The following CCDC181 variants were observed in gnomAD, a reference collection of about 807,000 sequenced individuals.
CCDC181 encodes the protein coiled-coil domain containing 181.
In CCDC181, 35 loss-of-function variants were observed where a neutral mutation model predicts 58.7. The observed-to-expected ratio is 0.60, with a 90% confidence interval of 0.46 to 0.79. The LOEUF is 0.79. CCDC181 is among the 30% of genes least tolerant of loss of function. The pLI is 0.00. For synonymous variants in CCDC181, 183 were observed against 197.5 expected (o/e 0.93, Z 0.62); for missense variants, 517 against 583.9 (o/e 0.89, Z 1.18).
intron 2 of CCDC181, among the ~76,000 whole-genome samples, chr1:169,455,284 A>G (rs1165340694): frequency 6.6e-6 from 1 of 152,030 alleles, no homozygotes; most frequent in African/African-American, 2.4e-5. Flanking sequence ...TAATTTGTAA[A>G]CAAGTCCTAA....
At chr1:169,438,524 T>G (rs1404328650) in intron 2 of CCDC181, among the ~76,000 whole-genome samples, 1 of 152,218 alleles carries the variant, frequency 6.6e-6, no homozygotes, top group African/African-American at 2.4e-5. Context: ...CCCAATGGTC[T>G]GCATGGGGAA....
At chr1:169,430,509 C>T (rs1411647809), upstream of CCDC181, among the ~76,000 whole-genome samples, 1 of 152,072 alleles carries the variant, frequency 6.6e-6, no homozygotes, top group Non-Finnish European at 1.5e-5. Flanking sequence ...TCTTTCACCT[C>T]CTTGGTTAGG....
chr1:169,420,081 A>C (rs546659323), intron 3 of CCDC181, among the ~76,000 whole-genome samples: 1 of 152,360 alleles, frequency 6.6e-6, no homozygotes, highest in South Asian at 2.1e-4. Flanking sequence ...CCTTCACACC[A>C]GTTAAAGACT....
intron 2 of CCDC181, among the ~76,000 whole-genome samples, chr1:169,423,079 T>TATATATA (rs377436139): frequency 4.8e-5 from 7 of 146,944 alleles, no homozygotes; most frequent in Non-Finnish European, 1.0e-4. Context: ...ATATATATAT[T>TATATATA]TTTTCTCTTT....
chr1:169,400,329 C>G (rs200266661), intron 4 of CCDC181, among the ~76,000 whole-genome samples: 1 of 152,110 alleles, frequency 6.6e-6, no homozygotes, highest in East Asian at 1.9e-4. Context: ...CAAGAGTATT[C>G]CTTACTAATC....
chr1:169,445,609 A>T (rs1325124887), intron 2 of CCDC181, among the ~76,000 whole-genome samples: 2 of 152,074 alleles, frequency 1.3e-5, no homozygotes, highest in African/African-American at 4.8e-5. Flanking sequence ...CTTTCTTATA[A>T]TGTCTGTTTT....
intron 4 of CCDC181, among the ~76,000 whole-genome samples, chr1:169,414,698 A>G (rs934781222): frequency 1.1e-4 from 17 of 152,216 alleles, no homozygotes; most frequent in Non-Finnish European, 2.5e-4. Flanking sequence ...TCTTTTATCC[A>G]TCTAATGTAA....
intron 4 of CCDC181, among the ~76,000 whole-genome samples, chr1:169,405,445 G>A (rs1476289258): frequency 1.3e-5 from 2 of 152,130 alleles, no homozygotes; most frequent in Non-Finnish European, 2.9e-5. Flanking sequence ...CATGGTACTG[G>A]TACCAAAACA....
intron 5 of CCDC181, among the ~76,000 whole-genome samples, chr1:169,395,428 C>T (rs574929814): frequency 2.5e-4 from 38 of 152,274 alleles, no homozygotes; most frequent in Non-Finnish European, 4.6e-4. Context: ...AATTGTCTGT[C>T]TTACAATGAA....
At chr1:169,401,838 G>A (rs562412440) in intron 4 of CCDC181, among the ~76,000 whole-genome samples, 14 of 151,908 alleles carry the variant, frequency 9.2e-5, no homozygotes, top group South Asian at 2.1e-4. Flanking sequence ...TCAGACAATC[G>A]GTAATAACAA....
chr1:169,430,244 T>C (rs568022235), upstream of CCDC181, among the ~76,000 whole-genome samples: 1 of 152,358 alleles, frequency 6.6e-6, no homozygotes, highest in South Asian at 2.1e-4. Context: ...AGATTTGTTC[T>C]TCTTGCTTAG....
rs139902520 is a variant in CCDC181, at chr1:169,421,613, G to A, written c.818C>T (p.Thr273Ile). ...SVSGTKKEDS[T>I]AKIHAVTHSS... ...GTGAGTGACAGCATGAATCTTTGCT[G>A]TAGAATCTTCTTTCTTGGTGCCACT... Residue 273 changes from threonine (T) to isoleucine (I), a missense_variant, in exon 3 of 6, where the codon ACA becomes ATA. Thr to Ile is a moderately conservative substitution (Grantham distance 89, BLOSUM62 -1). Transcript: ENST00000367806. 29 of 1,614,022 alleles carry A rather than the reference G, an allele frequency of 1.8e-5. No homozygotes were observed. The African/African-American group carries it at 3.5e-4, about 19-fold the overall frequency.
In CCDC181 at chr1:169,397,232, C is replaced by G. The variant is rs1455295755; in HGVS notation, c.1370+5G>C. The stretch of plus-strand genomic sequence containing the variant: ...GAGGGGGGAAATGCCCTGCCTTTAA[C>G]TTACTGTTTAAAGGCCCTTTCCCGG... On this transcript the variant is annotated splice_donor_5th_base_variant and intron_variant, in intron 5 of 5. Coordinates refer to ENST00000367806, the MANE Select transcript of CCDC181 (RefSeq NM_001300969.2). 1.3e-6 allele frequency: 2 copies of G among 1,571,328 alleles called. No homozygotes were observed. Among genetic ancestry groups the G allele is most frequent in the South Asian group, 2.4e-5 (2 of 83,104 alleles).
chr1:169,459,575 G>C, intron 2 of CCDC181, among the ~76,000 whole-genome samples: 1 of 152,104 alleles, frequency 6.6e-6, no homozygotes, highest in East Asian at 1.9e-4. Context: ...AAATAGCAGG[G>C]TGAGGAGCAC....
chr1:169,437,905 G>T (rs534068656), intron 2 of CCDC181, among the ~76,000 whole-genome samples: 3 of 152,160 alleles, frequency 2.0e-5, no homozygotes, highest in African/African-American at 7.2e-5. Flanking sequence ...TAACTATGAC[G>T]TGAACCCCAA....
intron 2 of CCDC181, among the ~76,000 whole-genome samples, chr1:169,453,266 A>AT (rs1657595656): frequency 6.6e-6 from 1 of 152,094 alleles, no homozygotes; most frequent in East Asian, 1.9e-4. Flanking sequence ...GACAGCCATA[A>AT]TTTGATTAAT....
chr1:169,408,752 G>A (rs1227613648), intron 4 of CCDC181, among the ~76,000 whole-genome samples: 1 of 152,178 alleles, frequency 6.6e-6, no homozygotes, highest in East Asian at 1.9e-4. Flanking sequence ...ACAAGGTCTG[G>A]AGAGGACCTC....
At chr1:169,419,970 C>T (rs2102086962) in intron 3 of CCDC181, among the ~76,000 whole-genome samples, 1 of 152,264 alleles carries the variant, frequency 6.6e-6, no homozygotes, top group African/African-American at 2.4e-5. Context: ...AAGACCATGC[C>T]TTGAGCCAAG....
intron 4 of CCDC181, among the ~76,000 whole-genome samples, chr1:169,418,177 T>G (rs916556565): frequency 1.3e-5 from 2 of 152,218 alleles, no homozygotes; most frequent in African/African-American, 2.4e-5. Flanking sequence ...TCCTACAGAT[T>G]ACTGATGTTC....
Sources: allele counts gnomAD v4.1 joint callset (sites outside exome capture counted in the v4.1 genomes callset), GRCh38; gene constraint gnomAD v4.1.1; transcripts MANE v1.5; gene names NCBI Gene and HGNC (gene_info 2026-07-23, HGNC 2026-07-21).